The following IDO1 variants were observed in gnomAD, a reference collection of about 807,000 sequenced individuals.
The protein encoded by IDO1 is indolamine 2,3 dioxygenase.
In IDO1, 35 loss-of-function variants were observed where a neutral mutation model predicts 38.8. The observed-to-expected ratio is 0.90, with a 90% CI of 0.69 to 1.20. The LOEUF is 1.20. IDO1 is among the 50% of genes most tolerant of loss of function. The pLI is 0.00. For synonymous variants in IDO1, 171 were observed against 170.0 expected, an observed-to-expected ratio of 1.01 and a Z score of -0.05; for missense variants, 509 against 485.1, an observed-to-expected ratio of 1.05 and a Z score of -0.46.
intron 6 of IDO1, 27 bp from the exon 7 acceptor site, chr8:39,923,442 T>G: frequency 4.0e-6 from 5 of 1,264,904 alleles, no homozygotes; most frequent in Non-Finnish European, 5.7e-6. Flanking sequence ...AAACCTTAAA[T>G]GTTTGTGTTT....
Position 39,913,988 on chromosome 8 carries a change from C to G in IDO1, c.66C>G (p.Gly22=), listed in dbSNP as rs1563413625. ...AGTACCATATTGATGAAGAAGTGGGCTTTGCTCTGCCAAATCCACAGGTAA... is the reference window on the plus strand; with the variant it reads ...AGTACCATATTGATGAAGAAGTGGGGTTTGCTCTGCCAAATCCACAGGTAA... ...SKEYHIDEEV[G]FALPNPQENL... The change falls in exon 1 of 10, where the codon GGC becomes GGG. Residue 22 remains glycine (G), a synonymous_variant. Coordinates refer to ENST00000518237, the MANE Select transcript of IDO1 (RefSeq NM_002164.6). 1 of 1,570,992 alleles carries G rather than the reference C, an allele frequency of 6.4e-7. No individual in the cohort carries two copies. The highest frequency in any genetic ancestry group is 1.9e-5 in the Admixed American group (1 of 53,064).
chr8:39,920,255 C>G, intron 5 of IDO1, 141 bp downstream of exon 5: 1 of 616,910 alleles, frequency 1.6e-6, no homozygotes, highest in Non-Finnish European at 2.8e-6. Flanking sequence ...ATTTAGAGAA[C>G]AAATAATCTC....
chr8:39,923,928 GAA>G (rs60757217), intron 7 of IDO1: 6 of 140,840 alleles, frequency 4.3e-5, no homozygotes, highest in East Asian at 2.0e-4. Context: ...TTTAAGTCCC[GAA>G]AAAAAAAAAA....
chr8:39,928,093 C>T lies in IDO1; in HGVS notation c.1120C>T (p.Leu374=). 1.2e-6 allele frequency: 2 copies of T among 1,613,408 alleles called. No individual in the cohort carries two copies. Among genetic ancestry groups the T allele is most frequent in the Non-Finnish European group, 1.7e-6 (2 of 1,179,662 alleles). The stretch of plus-strand genomic sequence containing the variant: ...TAAGACCTCTGAAGACCCTTCAAAA[C>T]TGGAAGCCAAAGGAACTGGAGGCAC... The part of the protein sequence containing the change: ...ENKTSEDPSK[L]EAKGTGGTDL... Residue 374 remains leucine (L), a synonymous_variant, in exon 10 of 10, where the codon CTG becomes TTG. Transcript: ENST00000518237.
intron 5 of IDO1, among the ~76,000 whole-genome samples, chr8:39,921,193 AT>A (rs571022191): frequency 0.024 from 3,666 of 149,814 alleles, 118 homozygotes; most frequent in African/African-American, 0.081. Context: ...AAAAAGATTA[AT>A]TTTTTTTTTT....
Position 39,928,324 on chromosome 8 carries a change from G to T in IDO1, c.*139G>T. 1.7e-6 allele frequency: 1 copy of T among 585,400 alleles called. No homozygotes were observed. The highest frequency in any genetic ancestry group is 2.9e-6 in the Non-Finnish European group (1 of 341,458). The allele number at this position is 585,400 out of a possible 1,614,324, so 36.3% of individuals were successfully genotyped here. A position where few individuals can be genotyped will look rare whatever the true frequency, so the allele number is the denominator to read the frequency against. On this transcript the variant is annotated 3_prime_UTR_variant, in exon 10 of 10. Transcript: ENST00000518237. Reference sequence around the variant, plus strand: ...CAATACAAAAGACCTCAAAATACCTGTGCATTTCTTGTAGGAAAACAACAA... The same window carrying T: ...CAATACAAAAGACCTCAAAATACCTTTGCATTTCTTGTAGGAAAACAACAA...
chr8:39,924,616 T>C (rs2129592408), intron 7 of IDO1, 105 bp from the exon 8 acceptor site: 6 of 759,590 alleles, frequency 7.9e-6, no homozygotes, highest in Non-Finnish European at 1.4e-5. Context: ...CCTAATGCCT[T>C]TTCCTGCAGC....
rs927429393 is a variant in IDO1, at chr8:39,918,212, G to A, written c.303+5G>A. The A allele has an allele frequency of 1.2e-6, 2 of 1,600,622 alleles. No homozygotes were observed. The highest frequency in any genetic ancestry group is 1.7e-6 in the Non-Finnish European group (2 of 1,170,302). The stretch of plus-strand genomic sequence containing the variant: ...GGTCATGGAGATGTCCGTAAGGTTT[G>A]GAGATTTTCTCAGATTTCTTATGCT... On this transcript the variant is annotated splice_donor_5th_base_variant and intron_variant, in intron 3 of 9. Coordinates refer to ENST00000518237, the MANE Select transcript of IDO1 (RefSeq NM_002164.6).
At position 39,924,668 on chromosome 8, in the gene IDO1, T is replaced by A. The variant is rs1807330876; in HGVS notation, c.656-53T>A. The A allele has an allele frequency of 4.6e-6, 6 of 1,292,830 alleles. No individual in the cohort carries two copies. In the East Asian group the frequency reaches 1.4e-4, roughly 30 times the overall value. 80.1% of individuals were successfully genotyped at this position (1,292,830 alleles called of 1,614,324 possible). On this transcript the variant is annotated intron_variant, in intron 7 of 9. Transcript: ENST00000518237. ...TATCAGTTGTACACAACACCTTGAT[T>A]TCCCTGTATACCTCTGATGCTGCTT...
chr8:39,927,428 C>T (rs530628284), intron 9 of IDO1, among the ~76,000 whole-genome samples: 8 of 151,798 alleles, frequency 5.3e-5, no homozygotes, highest in Admixed American at 1.3e-4. Flanking sequence ...GGCATGGTGG[C>T]GCATGCCTGA....
intron 3 of IDO1, 30 bp downstream of exon 3, chr8:39,918,237 T>A: frequency 1.3e-6 from 2 of 1,589,626 alleles, no homozygotes; most frequent in Non-Finnish European, 1.7e-6. Flanking sequence ...TTTCTTATGC[T>A]ATGTGACAGA....
At chr8:39,926,393 G>A (rs1188202830) in intron 9 of IDO1, among the ~76,000 whole-genome samples, 1 of 152,086 alleles carries the variant, frequency 6.6e-6, no homozygotes, top group Non-Finnish European at 1.5e-5. Context: ...CTGTTAGTGG[G>A]GAGATAAAGA....
chr8:39,925,658 T>C (rs1807348457), intron 9 of IDO1, among the ~76,000 whole-genome samples: 2 of 151,512 alleles, frequency 1.3e-5, no homozygotes, highest in Admixed American at 1.3e-4. Context: ...CCTAGGCAGG[T>C]GGATCACCTG....
Position 39,927,921 on chromosome 8 carries a change from C to T in IDO1, c.948C>T (p.Val316=). The T allele has an allele frequency of 1.2e-6, 2 of 1,607,662 alleles. No homozygotes were observed. Among genetic ancestry groups the T allele is most frequent in the Non-Finnish European group, 8.5e-7 (1 of 1,176,918 alleles). ...GCTCATTAGAGTCAAATCCCTCAGTCCGTGAGTTTGTCCTTTCAAAAGGTG... is the reference window on the plus strand; with the variant it reads ...GCTCATTAGAGTCAAATCCCTCAGTTCGTGAGTTTGTCCTTTCAAAAGGTG... ...FLCSLESNPS[V]REFVLSKGDA... Residue 316 remains valine, a synonymous_variant, in exon 10 of 10, where the codon GTC becomes GTT. Coordinates refer to ENST00000518237, the MANE Select transcript of IDO1 (RefSeq NM_002164.6).
intron 8 of IDO1, among the ~76,000 whole-genome samples, 178 bp downstream of exon 8, chr8:39,924,950 G>A (rs1030300045): frequency 2.0e-5 from 3 of 152,102 alleles, no homozygotes; most frequent in Non-Finnish European, 4.4e-5. Flanking sequence ...ACTGGAGTGG[G>A]GGACAGGAAA....
chr8:39,922,534 C>T lies in IDO1; in HGVS notation c.438-18C>T. On this transcript the variant is annotated intron_variant, in intron 5 of 9. Coordinates refer to ENST00000518237, the MANE Select transcript of IDO1 (RefSeq NM_002164.6). The stretch of plus-strand genomic sequence containing the variant: ...AATTTTTGCTAAACTTCTTGCCTTC[C>T]TTATCCAATTTCCTCAGGAACATGG... 1.3e-6 allele frequency: 2 copies of T among 1,560,162 alleles called. No homozygotes were observed. The highest frequency in any genetic ancestry group is 1.8e-6 in the Non-Finnish European group (2 of 1,131,436).
chr8:39,917,993 G>T (rs760857312), intron 2 of IDO1, 23 bp downstream of exon 2: 1 of 1,610,938 alleles, frequency 6.2e-7, no homozygotes, highest in East Asian at 2.2e-5. Context: ...TATTACATTT[G>T]TCTTCTTGTA....
intron 1 of IDO1, among the ~76,000 whole-genome samples, chr8:39,915,027 A>T (rs946904905): frequency 4.6e-5 from 7 of 152,214 alleles, no homozygotes; most frequent in Non-Finnish European, 8.8e-5. Context: ...TTGGCCTCCC[A>T]AAGTGCTAGG....
rs1807407420 is a variant in IDO1, at chr8:39,928,671, T to G, written c.*486T>G. Among the ~76,000 whole-genome samples, 1 of 150,454 alleles carries G rather than the reference T, an allele frequency of 6.6e-6. No homozygotes were observed. Among genetic ancestry groups the G allele is most frequent in the Non-Finnish European group, 1.5e-5 (1 of 67,800 alleles). ...TGGCGTGAACCTGGGAGGCGGAGCT[T>G]GCAGTGAGCCAAGATTGTGCCACTG... On this transcript the variant is annotated 3_prime_UTR_variant, in exon 10 of 10. Coordinates refer to ENST00000518237, the MANE Select transcript of IDO1 (RefSeq NM_002164.6).
Sources: gnomAD v4.1 joint callset for allele counts (sites outside exome capture counted in the v4.1 genomes callset) on GRCh38, gnomAD v4.1.1 for gene constraint, MANE v1.5 for transcripts, NCBI Gene and HGNC (gene_info 2026-07-23, HGNC 2026-07-21) for gene names.